The following NINL variants were observed in gnomAD, a reference collection of about 807,000 sequenced individuals.
NINL encodes the protein ninein like.
In NINL, 153 loss-of-function variants were observed where a neutral mutation model predicts 160.3. The ratio of observed to expected loss-of-function variants is 0.95; its 90% CI spans 0.84 to 1.09. The LOEUF (loss-of-function observed/expected upper bound fraction) is 1.09. Ranked by LOEUF, NINL falls within the 50% of genes least tolerant of loss-of-function variation. The probability of loss-of-function intolerance (pLI) is 0.00; values close to 1 mark genes in which losing one functional copy is unlikely to be tolerated. For missense variants in NINL, 1,829 were observed against 1,764.0 expected (o/e 1.04, Z -0.66); for synonymous variants, 800 against 734.8 (o/e 1.09, Z -1.43).
rs762053578 is a variant in NINL at position 25,476,312 on chromosome 20, C to CTGCTCCTGGG, written c.2969_2978dup (p.Gln993HisfsTer68). Reference sequence around the variant, plus strand: ...CGGCCCGGGCCTGCTGCTCCGAGGCCTGCTCCTGGGTGCCCCTGCTCCAGC... The same window carrying CTGCTCCTGGG: ...CGGCCCGGGCCTGCTGCTCCGAGGCCTGCTCCTGGGTGCTCCTGGGTGCCCCTGCTCCAGC... On this transcript the variant is annotated frameshift_variant, in exon 17 of 24. Coordinates refer to ENST00000278886, the MANE Select transcript of NINL (RefSeq NM_025176.6). LOFTEE classifies it high-confidence loss of function. The CTGCTCCTGGG allele has an allele frequency of 5.6e-6, 9 of 1,613,084 alleles. No individual in the cohort carries two copies. The highest frequency in any genetic ancestry group is 7.6e-6 in the Non-Finnish European group (9 of 1,179,974).
intron 1 of NINL, among the ~76,000 whole-genome samples, chr20:25,583,417 C>T (rs569292423): frequency 3.3e-5 from 5 of 152,234 alleles, no homozygotes; most frequent in Admixed American, 6.5e-5. Flanking sequence ...ATCAAAACCA[C>T]AATGAGATAC....
At chr20:25,456,417 G>A (rs1239001820) in intron 22 of NINL, among the ~76,000 whole-genome samples, 1 of 151,334 alleles carries the variant, frequency 6.6e-6, no homozygotes, top group Non-Finnish European at 1.5e-5. Flanking sequence ...GCATGGTAGC[G>A]GGCGCCTGTA....
chr20:25,533,749 C>T (rs1446972741), intron 1 of NINL, among the ~76,000 whole-genome samples: 6 of 152,190 alleles, frequency 3.9e-5, no homozygotes, highest in Non-Finnish European at 8.8e-5. Flanking sequence ...CTCAGTTTAA[C>T]CCTTGCTTTC....
chr20:25,540,334 C>CAAACAAA (rs1468714243), intron 1 of NINL, among the ~76,000 whole-genome samples: 15 of 152,188 alleles, frequency 9.9e-5, no homozygotes, highest in African/African-American at 3.6e-4. Context: ...AGGGGAAAAG[C>CAAACAAA]CTGTCCCCAA....
chr20:25,498,082 G>T, intron 9 of NINL, 128 bp downstream of exon 9: 3 of 1,149,958 alleles, frequency 2.6e-6, no homozygotes, highest in East Asian at 2.4e-5. Context: ...AGTGTGCAGA[G>T]CCCTGCCCCA....
At position 25,467,447 on chromosome 20, in the gene NINL, T is replaced by G. The variant is rs1230585103; in HGVS notation, c.3365A>C (p.Glu1122Ala). 6.2e-7 allele frequency: 1 copy of G among 1,613,562 alleles called. No individual in the cohort carries two copies. The highest frequency in any genetic ancestry group is 1.3e-5 in the African/African-American group (1 of 74,936). Residue 1122 changes from glutamate (E) to alanine (A), a missense_variant, in exon 19 of 24, where the codon GAG (glutamate) becomes GCG (alanine). Coordinates refer to ENST00000278886, the MANE Select transcript of NINL (RefSeq NM_025176.6). ...STHDAQRKEI[E>A]VLKKDKEKAC... ...CTTTTCCTTGTCTTTCTTTAAAACC[T>G]CAATTTCCTTCCTGTTGAAGAAGCA...
At chr20:25,493,699 GCTA>G (rs1297698900) in intron 10 of NINL, among the ~76,000 whole-genome samples, 1 of 152,038 alleles carries the variant, frequency 6.6e-6, no homozygotes, top group Non-Finnish European at 1.5e-5. Flanking sequence ...GAATGATAAC[GCTA>G]CAAGGCTGGC....
chr20:25,554,838 G>C (rs920158159), intron 1 of NINL, among the ~76,000 whole-genome samples: 2 of 151,980 alleles, frequency 1.3e-5, no homozygotes, highest in South Asian at 4.2e-4. Flanking sequence ...AAAAACCTGT[G>C]TCTGGTAACT....
At position 25,498,292 on chromosome 20, in the gene NINL, G is replaced by A; in HGVS notation, c.1087C>T (p.Leu363Phe). 6.2e-7 allele frequency: 1 copy of A among 1,613,398 alleles called. No homozygotes were observed. The highest frequency in any genetic ancestry group is 1.3e-5 in the African/African-American group (1 of 75,032). ...KVNLLELTWA[L>F]DNELMTVDSA... ...TCCACTGTCATGAGCTCGTTGTCAA[G>A]GGCCCAGGTCAGCTCCAGAAGGTTC... Residue 363 changes from leucine (L) to phenylalanine (F), a missense_variant, in exon 9 of 24, where the codon CTT becomes TTT. Leu to Phe is a conservative substitution (Grantham distance 22, BLOSUM62 0). Transcript: ENST00000278886.
At chr20:25,498,811 C>T in intron 8 of NINL, 1 of 757,652 alleles carries the variant, frequency 1.3e-6, no homozygotes, top group Non-Finnish European at 1.6e-6. Context: ...CCCACAGCAG[C>T]CCTCAGGCTT....
intron 13 of NINL, among the ~76,000 whole-genome samples, chr20:25,483,477 C>T (rs904281514): frequency 4.6e-5 from 7 of 152,270 alleles, no homozygotes; most frequent in South Asian, 2.1e-4. Context: ...CCTTCCTCAG[C>T]GGCCACTGAA....
Position 25,455,669 on chromosome 20 carries a change from T to C in NINL, c.3957+4A>G. 1 of 1,605,994 alleles carries C rather than the reference T, an allele frequency of 6.2e-7. No homozygotes were observed. Among genetic ancestry groups the C allele is most frequent in the African/African-American group, 1.3e-5 (1 of 74,870 alleles). ...ACACGAAAGCAGCAGCGCCCATCAC[T>C]CACCTGCTCCTTCAGCTTATCCACT... On this transcript the variant is annotated splice_donor_region_variant and intron_variant, in intron 23 of 23. Transcript: ENST00000278886.
intron 1 of NINL, among the ~76,000 whole-genome samples, chr20:25,561,886 C>T (rs1222747180): frequency 2.6e-5 from 4 of 151,890 alleles, no homozygotes; most frequent in African/African-American, 4.8e-5. Context: ...GCAGCCACCC[C>T]GTCCGGAAGG....
intron 1 of NINL, among the ~76,000 whole-genome samples, chr20:25,580,714 A>C (rs1221021320): frequency 6.6e-6 from 1 of 152,228 alleles, no homozygotes; most frequent in South Asian, 2.1e-4. Context: ...GTCCATTCAC[A>C]AACAACAATA....
At chr20:25,519,989 CAA>C (rs59160061) in intron 2 of NINL, among the ~76,000 whole-genome samples, 297 of 11,930 alleles carry the variant, frequency 0.025, no homozygotes, top group African/African-American at 0.054. Flanking sequence ...GACCCCGTCT[CAA>C]AAAAAAAAAA....
chr20:25,470,844 G>A (rs568288846), intron 17 of NINL, among the ~76,000 whole-genome samples: 1 of 152,192 alleles, frequency 6.6e-6, no homozygotes, highest in Non-Finnish European at 1.5e-5. Flanking sequence ...AAACAAAAAA[G>A]ATCACCAGTG....
chr20:25,499,977 C>A (rs2063835921), intron 8 of NINL, among the ~76,000 whole-genome samples: 2 of 144,446 alleles, frequency 1.4e-5, no homozygotes, highest in African/African-American at 5.5e-5. Flanking sequence ...AAAAATTTAG[C>A]CAGAATGTAT....
chr20:25,545,587 C>T (rs970263787), intron 1 of NINL, among the ~76,000 whole-genome samples: 3 of 152,058 alleles, frequency 2.0e-5, no homozygotes, highest in African/African-American at 7.2e-5. Flanking sequence ...CCCCATTATG[C>T]CCTCCTCCCT....
intron 8 of NINL, among the ~76,000 whole-genome samples, chr20:25,499,498 G>C (rs75294926): frequency 6.6e-6 from 1 of 151,998 alleles, no homozygotes; most frequent in Non-Finnish European, 1.5e-5. Flanking sequence ...CACCCCCAGG[G>C]CTGTGGAGTC....
Sources: allele counts gnomAD v4.1 joint callset (sites outside exome capture counted in the v4.1 genomes callset), GRCh38; gene constraint gnomAD v4.1.1; transcripts MANE v1.5; gene names NCBI Gene and HGNC (gene_info 2026-07-23, HGNC 2026-07-21).